SH2D4B: variants seen among roughly 807,000 people sequenced by gnomAD.
SH2D4B encodes the protein SH2 domain containing 4B.
Under a neutral mutation model 61.5 loss-of-function variants are expected in SH2D4B, and 45 were observed. The ratio of observed to expected loss-of-function variants is 0.73; its 90% CI spans 0.58 to 0.94. The LOEUF is 0.94. SH2D4B is among the 40% of genes least tolerant of loss of function. The pLI, the probability that SH2D4B is intolerant of heterozygous loss-of-function variation, is 0.00. For synonymous variants in SH2D4B, 224 were observed against 220.4 expected (o/e 1.02, Z -0.14); for missense variants, 572 against 574.2 (o/e 1.00, Z 0.04).
intron 3 of SH2D4B, among the ~76,000 whole-genome samples, chr10:80,581,873 G>A (rs1842189076): frequency 6.6e-6 from 1 of 152,136 alleles, no homozygotes; most frequent in Non-Finnish European, 1.5e-5. Context: ...AGTGGGTCAG[G>A]GGTGGGTCCT....
At chr10:80,603,521 G>A in intron 4 of SH2D4B, 58 bp from the exon 5 acceptor site, 1 of 1,425,536 alleles carries the variant, frequency 7.0e-7, no homozygotes, top group Non-Finnish European at 9.4e-7. Flanking sequence ...GTCCCAGCTG[G>A]CGCAGTGCAC....
intron 1 of SH2D4B, among the ~76,000 whole-genome samples, chr10:80,543,770 C>T (rs1303771368): frequency 6.6e-6 from 1 of 152,072 alleles, no homozygotes; most frequent in Non-Finnish European, 1.5e-5. Flanking sequence ...GGTTTGTAAA[C>T]ACACCAATCA....
intron 3 of SH2D4B, among the ~76,000 whole-genome samples, chr10:80,580,094 T>A (rs1229046199): frequency 6.6e-6 from 1 of 152,198 alleles, no homozygotes. Context: ...ACTGTGGTGT[T>A]ATTGGGGCCA....
At chr10:80,598,803 AG>A (rs2132136488) in intron 4 of SH2D4B, among the ~76,000 whole-genome samples, 1 of 152,104 alleles carries the variant, frequency 6.6e-6, no homozygotes, top group East Asian at 1.9e-4. Context: ...GTGAACTTGT[AG>A]GAGTGTGGAG....
intron 1 of SH2D4B, among the ~76,000 whole-genome samples, chr10:80,542,086 T>C (rs1841587783): frequency 6.6e-6 from 1 of 152,174 alleles, no homozygotes; most frequent in Non-Finnish European, 1.5e-5. Flanking sequence ...CGTTGTCCAG[T>C]ATATTGAGTA....
intron 3 of SH2D4B, among the ~76,000 whole-genome samples, chr10:80,575,920 G>A (rs140613206): frequency 2.9e-3 from 448 of 152,334 alleles, no homozygotes; most frequent in Admixed American, 4.8e-3. Flanking sequence ...GAGATACTTA[G>A]TTTATGTTGC....
At chr10:80,578,684 A>T (rs1564773506) in intron 3 of SH2D4B, among the ~76,000 whole-genome samples, 1 of 152,182 alleles carries the variant, frequency 6.6e-6, no homozygotes, top group Non-Finnish European at 1.5e-5. Flanking sequence ...CTGTGGGCAA[A>T]GCAGGATCTT....
At chr10:80,577,628 A>C (rs1446186031) in intron 3 of SH2D4B, among the ~76,000 whole-genome samples, 1 of 150,918 alleles carries the variant, frequency 6.6e-6, no homozygotes, top group East Asian at 2.0e-4. Context: ...GGGTTTCACC[A>C]TGTTAGCCAG....
chr10:80,567,603 A>C (rs865908769), intron 1 of SH2D4B, among the ~76,000 whole-genome samples: 1 of 152,204 alleles, frequency 6.6e-6, no homozygotes, highest in East Asian at 1.9e-4. Flanking sequence ...AATACCCACT[A>C]AGGAAATGCC....
intron 4 of SH2D4B, among the ~76,000 whole-genome samples, chr10:80,597,804 G>A (rs541280538): frequency 6.6e-6 from 1 of 152,316 alleles, no homozygotes; most frequent in South Asian, 2.1e-4. Flanking sequence ...GAAGAAGGTG[G>A]GACAGGGTGT....
chr10:80,585,601 C>T (rs1186355380), intron 3 of SH2D4B, among the ~76,000 whole-genome samples: 1 of 152,218 alleles, frequency 6.6e-6, no homozygotes, highest in East Asian at 1.9e-4. Flanking sequence ...AGGCGTGAAC[C>T]ACCGCGCCCA....
intron 3 of SH2D4B, among the ~76,000 whole-genome samples, chr10:80,579,435 C>T (rs1285410539): frequency 1.3e-5 from 2 of 152,142 alleles, no homozygotes; most frequent in Non-Finnish European, 2.9e-5. Flanking sequence ...ATAAAATTTG[C>T]ATTTATTTCC....
At chr10:80,551,912 A>G (rs1240994449) in intron 1 of SH2D4B, among the ~76,000 whole-genome samples, 1 of 152,234 alleles carries the variant, frequency 6.6e-6, no homozygotes, top group African/African-American at 2.4e-5. Context: ...GTCTGAGGTC[A>G]GGGAGCCAGC....
At chr10:80,600,858 G>A (rs1842444448) in intron 4 of SH2D4B, among the ~76,000 whole-genome samples, 1 of 152,172 alleles carries the variant, frequency 6.6e-6, no homozygotes, top group Non-Finnish European at 1.5e-5. Context: ...CTCAGGGGCT[G>A]TAATCTTCCA....
chr10:80,587,287 G>T (rs1172151099), intron 3 of SH2D4B, among the ~76,000 whole-genome samples: 3 of 150,976 alleles, frequency 2.0e-5, no homozygotes, highest in Non-Finnish European at 4.4e-5. Context: ...TGTTGTTGTT[G>T]TTTTTTCTTT....
chr10:80,608,214 C>A (rs1157068535), intron 5 of SH2D4B, among the ~76,000 whole-genome samples: 1 of 152,022 alleles, frequency 6.6e-6, no homozygotes, highest in Non-Finnish European at 1.5e-5. Flanking sequence ...GAAAGTATGA[C>A]AGAGGAAATG....
chr10:80,572,428 T>C (rs1051203671), intron 3 of SH2D4B, among the ~76,000 whole-genome samples: 1 of 152,170 alleles, frequency 6.6e-6, no homozygotes, highest in African/African-American at 2.4e-5. Flanking sequence ...CCTAGGGACA[T>C]GATCTTATGC....
intron 6 of SH2D4B, 25 bp from the exon 7 acceptor site, chr10:80,634,260 T>A: frequency 2.0e-6 from 3 of 1,487,062 alleles, no homozygotes; most frequent in South Asian, 1.3e-5. Flanking sequence ...GCTGTGTTTT[T>A]TTGTTTTTTT....
intron 5 of SH2D4B, 110 bp from the exon 6 acceptor site, chr10:80,609,314 C>T: frequency 1.0e-6 from 1 of 978,338 alleles, no homozygotes; most frequent in Non-Finnish European, 1.4e-6. Flanking sequence ...CCTTCCTCCT[C>T]CTCCTTTTAC....
Sources: gnomAD v4.1 joint callset for allele counts (sites outside exome capture counted in the v4.1 genomes callset) on GRCh38, gnomAD v4.1.1 for gene constraint, MANE v1.5 for transcripts, NCBI Gene and HGNC (gene_info 2026-07-23, HGNC 2026-07-21) for gene names.